SLC34A1: variants seen among roughly 807,000 people sequenced by gnomAD.
SLC34A1 encodes the protein sodium-dependent phosphate transport protein 2A.
In SLC34A1, 57 loss-of-function variants were observed where a neutral mutation model predicts 51.4. That is an observed-to-expected ratio of 1.11 (90% CI 0.90 to 1.38). The LOEUF (loss-of-function observed/expected upper bound fraction) is 1.38. Among genes scored for constraint, SLC34A1 ranks in the 40% most tolerant of loss-of-function variants. The pLI is 0.00. For synonymous variants in SLC34A1, 368 were observed against 358.0 expected, an observed-to-expected ratio of 1.03 and a Z score of -0.32; for missense variants, 796 against 835.6, an observed-to-expected ratio of 0.95 and a Z score of 0.58.
In SLC34A1 at chr5:177,386,688, G is replaced by C; in HGVS notation, c.532+122G>C. 1 of 1,200,644 alleles carries C rather than the reference G, an allele frequency of 8.3e-7. No individual in the cohort carries two copies. The highest frequency in any genetic ancestry group is 1.2e-6 in the Non-Finnish European group (1 of 824,086). The allele number at this position is 1,200,644 out of a possible 1,614,324, so 74.4% of individuals were successfully genotyped here. A position where few individuals can be genotyped will look rare whatever the true frequency, so the allele number is the denominator to read the frequency against. On this transcript the variant is annotated intron_variant, in intron 5 of 12. Coordinates refer to ENST00000324417, the MANE Select transcript of SLC34A1 (RefSeq NM_003052.5). The surrounding 1 kb of genome is among the most constrained non-coding windows in gnomAD (Gnocchi z 4.8). ...TCCATTCAGCTTGACTCCTGTATCA[G>C]CCAGGGACATGAGAGGAGCCCAACT...
chr5:177,395,639 T>G (rs561151759), intron 10 of SLC34A1, among the ~76,000 whole-genome samples: 1 of 152,052 alleles, frequency 6.6e-6, no homozygotes, highest in Non-Finnish European at 1.5e-5. Flanking sequence ...CATTTTCCCT[T>G]TTTTGTTTTT....
chr5:177,384,873 A>T (rs1336676261), intron 1 of SLC34A1, among the ~76,000 whole-genome samples: 3 of 151,896 alleles, frequency 2.0e-5, no homozygotes, highest in Admixed American at 2.0e-4. Flanking sequence ...AAAAAAAAAA[A>T]AAAAAAGGAC....
chr5:177,398,123 T>A lies in SLC34A1; in HGVS notation c.1757T>A (p.Leu586Gln), dbSNP rs1000652112. 1.2e-6 allele frequency: 2 copies of A among 1,611,358 alleles called. No individual in the cohort carries two copies. Among genetic ancestry groups the A allele is most frequent in the African/African-American group, 2.7e-5 (2 of 74,878 alleles). ...WDFLPRWMHS[L>Q]KPLDHLITRA... ...TTCCTGCCTCGCTGGATGCACTCCCTGAAGCCCCTGGACCACCTCATCACC... is the reference window on the plus strand; with the variant it reads ...TTCCTGCCTCGCTGGATGCACTCCCAGAAGCCCCTGGACCACCTCATCACC... The change falls in exon 13 of 13, where the codon CTG becomes CAG. Residue 586 changes from leucine to glutamine, a missense_variant. Leu to Gln is a moderately radical substitution (Grantham distance 113, BLOSUM62 -2). Coordinates refer to ENST00000324417, the MANE Select transcript of SLC34A1 (RefSeq NM_003052.5). The surrounding 1 kb of genome is among the most constrained non-coding windows in gnomAD (Gnocchi z 4.7).
chr5:177,391,637 G>T (rs1762805736), intron 8 of SLC34A1, among the ~76,000 whole-genome samples: 1 of 152,224 alleles, frequency 6.6e-6, no homozygotes, highest in Admixed American at 6.5e-5. Context: ...CATCTGCAGG[G>T]GCCACTGGTC....
chr5:177,385,762 G>A lies in SLC34A1; in HGVS notation c.21G>A (p.Arg7=), dbSNP rs376026848. The change falls in exon 2 of 13, where the codon AGG becomes AGA. Residue 7 remains arginine, a synonymous_variant. Transcript: ENST00000324417. The part of the protein sequence containing the change: MLSYGE[R]LGSPAVSPLP... ...CCAGGATGTTGTCCTACGGAGAGAG[G>A]CTGGGGTCCCCTGCTGTCTCCCCAC... 1.2e-5 allele frequency: 19 copies of A among 1,612,890 alleles called. No homozygotes were observed. The highest frequency in any genetic ancestry group is 2.2e-5 in the East Asian group (1 of 44,842).
chr5:177,393,935 T>A (rs1762882055), intron 9 of SLC34A1, 93 bp from the exon 10 acceptor site: 1 of 1,560,326 alleles, frequency 6.4e-7, no homozygotes, highest in Admixed American at 1.7e-5. Flanking sequence ...GAGCCTGAGA[T>A]GGGGCCTTAG....
At chr5:177,392,376 T>C (rs1762835749) in intron 8 of SLC34A1, among the ~76,000 whole-genome samples, 1 of 151,992 alleles carries the variant, frequency 6.6e-6, no homozygotes, top group Admixed American at 6.6e-5. Flanking sequence ...AGCGGGAGAA[T>C]CGCTTGAACC....
intron 8 of SLC34A1, among the ~76,000 whole-genome samples, chr5:177,389,066 C>T (rs1762705388): frequency 6.6e-6 from 1 of 152,160 alleles, no homozygotes; most frequent in Non-Finnish European, 1.5e-5. Context: ...GAGACTGCCA[C>T]AGGCGGGAGT....
Position 177,390,100 on chromosome 5 carries a change from A to G in SLC34A1, c.936+1728A>G, listed in dbSNP as rs959779396. The G allele has an allele frequency of 2.7e-6, 3 of 1,103,938 alleles. No individual in the cohort carries two copies. The Admixed American group carries it at 1.4e-4, about 51-fold the overall frequency. 68.4% of individuals were successfully genotyped at this position (1,103,938 alleles called of 1,614,324 possible). On this transcript the variant is annotated intron_variant, in intron 8 of 12. Coordinates refer to ENST00000324417, the MANE Select transcript of SLC34A1 (RefSeq NM_003052.5). ...GGCTCTTCCTGCCCAAAGACGGGCCACAGAGTCTCCCCGTGCTCCCTTCCA... is the reference window on the plus strand; with the variant it reads ...GGCTCTTCCTGCCCAAAGACGGGCCGCAGAGTCTCCCCGTGCTCCCTTCCA...
Position 177,386,595 on chromosome 5 carries a change from G to C in SLC34A1, c.532+29G>C, listed in dbSNP as rs1382776606. On this transcript the variant is annotated intron_variant, in intron 5 of 12. Coordinates refer to ENST00000324417, the MANE Select transcript of SLC34A1 (RefSeq NM_003052.5). This position sits in a 1 kb window ranked among gnomAD's most constrained non-coding sequence, Gnocchi z 4.8. ...AGTTGGCCCACCAGGGTGGGGAAGA[G>C]CTTGGAGGGGCACCCCAGGAGCTGG... 2 of 1,612,692 alleles carry C rather than the reference G, an allele frequency of 1.2e-6. No homozygotes were observed. The highest frequency in any genetic ancestry group is 1.7e-6 in the Non-Finnish European group (2 of 1,179,886).
Position 177,386,125 on chromosome 5 carries a change from A to G in SLC34A1, c.248A>G (p.Glu83Gly), listed in dbSNP as rs1762559244. The change falls in exon 3 of 13, where the codon GAG (glutamate) becomes GGG (glycine). Residue 83 changes from glutamate to glycine, a missense_variant. Physicochemically the swap from Glu to Gly is moderately conservative, Grantham distance 98 (BLOSUM62 -2). Coordinates refer to ENST00000324417, the MANE Select transcript of SLC34A1 (RefSeq NM_003052.5). This position sits in a 1 kb window ranked among gnomAD's most constrained non-coding sequence, Gnocchi z 4.8. ...CCTGCCAAGCTGGCCCTGGAGGAGG[A>G]GCAGAAGCCAGGTGGGCCTGGGCTG... The part of the protein sequence containing the change: ...PLPAKLALEE[E>G]QKPESRLVPK... 2.5e-6 allele frequency: 4 copies of G among 1,613,440 alleles called. No individual in the cohort carries two copies. The highest frequency in any genetic ancestry group is 3.4e-6 in the Non-Finnish European group (4 of 1,179,694).
intron 8 of SLC34A1, among the ~76,000 whole-genome samples, chr5:177,389,140 G>A (rs1021514694): frequency 1.3e-5 from 2 of 152,112 alleles, no homozygotes; most frequent in Admixed American, 6.6e-5. Flanking sequence ...GAATCAAGTG[G>A]ATGCTCATGG....
intron 8 of SLC34A1, chr5:177,389,835 G>T (rs879226442): frequency 1.3e-6 from 2 of 1,498,656 alleles, no homozygotes; most frequent in Non-Finnish European, 8.9e-7. Flanking sequence ...GCCGCCCTTG[G>T]GCCTTTCTCT....
chr5:177,393,461 G>C (rs982408606), intron 8 of SLC34A1, among the ~76,000 whole-genome samples: 2 of 152,126 alleles, frequency 1.3e-5, no homozygotes, highest in Non-Finnish European at 2.9e-5. Context: ...GGGAGAGCTG[G>C]GCCAGTGGAG....
intron 2 of SLC34A1, 66 bp downstream of exon 2, chr5:177,385,916 C>T (rs1289351650): frequency 1.2e-6 from 2 of 1,609,152 alleles, no homozygotes; most frequent in African/African-American, 1.3e-5. Context: ...GATGAGGCCA[C>T]TTCCCCCGCC....
At chr5:177,397,224 G>C (rs1763000360) in intron 12 of SLC34A1, 150 bp downstream of exon 12, 2 of 931,552 alleles carry the variant, frequency 2.1e-6, no homozygotes, top group Non-Finnish European at 3.2e-6. Flanking sequence ...GGGCAAAGTA[G>C]ACCCAATACC....
rs1052371660 is a variant in SLC34A1, at chr5:177,394,203, G to A, written c.1174+8G>A. ...AGAAGGTCATCAATACGGGTGAGCT[G>A]CGAGCAGTTGACTGGGCAGGGCCAC... On this transcript the variant is annotated splice_region_variant and intron_variant, in intron 10 of 12. Coordinates refer to ENST00000324417, the MANE Select transcript of SLC34A1 (RefSeq NM_003052.5). 1 of 1,613,856 alleles carries A rather than the reference G, an allele frequency of 6.2e-7. No individual in the cohort carries two copies. Among genetic ancestry groups the A allele is most frequent in the Non-Finnish European group, 8.5e-7 (1 of 1,180,004 alleles).
Position 177,398,223 on chromosome 5 carries a change from A to AC in SLC34A1, c.1862dup (p.Ala622CysfsTer44). 6.3e-7 allele frequency: 1 copy of AC among 1,598,124 alleles called. No individual in the cohort carries two copies. On this transcript the variant is annotated frameshift_variant, in exon 13 of 13. Coordinates refer to ENST00000324417, the MANE Select transcript of SLC34A1 (RefSeq NM_003052.5). LOFTEE classifies it high-confidence loss of function. This position sits in a 1 kb window ranked among gnomAD's most constrained non-coding sequence, Gnocchi z 4.7. Reference sequence around the variant, plus strand: ...CCCCCAGGGTCTTCCTGGAGGAGCTACCCCCTGCCACACCCTCCCCCCGTC... The same window carrying AC: ...CCCCCAGGGTCTTCCTGGAGGAGCTACCCCCCTGCCACACCCTCCCCCCGTC...
At chr5:177,397,759 G>A (rs775995439) in intron 12 of SLC34A1, 24 bp from the exon 13 acceptor site, 1 of 1,603,772 alleles carries the variant, frequency 6.2e-7, no homozygotes, top group Admixed American at 1.7e-5. Context: ...GCCCATCTCA[G>A]CCCCTCTGCC....
Sources: allele counts gnomAD v4.1 joint callset (sites outside exome capture counted in the v4.1 genomes callset), GRCh38; gene constraint gnomAD v4.1.1; non-coding constraint Gnocchi (gnomAD v3.1); transcripts MANE v1.5; gene names NCBI Gene and HGNC (gene_info 2026-07-23, HGNC 2026-07-21).